The following DLC1 variants were observed in gnomAD, a reference collection of about 807,000 sequenced individuals.
DLC1 encodes rho GTPase-activating protein 7.
In DLC1, 54 loss-of-function variants were observed where a neutral mutation model predicts 140.3. The ratio of observed to expected loss-of-function variants is 0.38; its 90% CI spans 0.31 to 0.48. The LOEUF (loss-of-function observed/expected upper bound fraction) is 0.48. Ranked by LOEUF, DLC1 falls within the 20% of genes least tolerant of loss-of-function variation. DLC1 has a pLI of 0.96. For synonymous variants in DLC1, 986 were observed against 728.1 expected (o/e 1.35, Z -5.70); for missense variants, 2,536 against 1,907.0 (o/e 1.33, Z -6.14).
intron 1 of DLC1, among the ~76,000 whole-genome samples, chr8:13,550,866 G>C (rs1022492631): frequency 1.3e-5 from 2 of 151,948 alleles, no homozygotes; most frequent in African/African-American, 4.8e-5. Context: ...AGCCCTTAAT[G>C]GTGCTATTAG....
chr8:13,231,880 A>G (rs555909591), intron 5 of DLC1, among the ~76,000 whole-genome samples: 2 of 152,200 alleles, frequency 1.3e-5, no homozygotes, highest in Non-Finnish European at 2.9e-5. Context: ...ATTATTTTTG[A>G]ATCTCAGTGA....
At chr8:13,264,762 T>C (rs1012953416) in intron 5 of DLC1, among the ~76,000 whole-genome samples, 2 of 152,208 alleles carry the variant, frequency 1.3e-5, no homozygotes, top group African/African-American at 4.8e-5. Context: ...CTAAAGATAT[T>C]TTTTGAGAAA....
rs182908775 is a variant in DLC1 at position 13,168,497 on chromosome 8, C to G, written c.1349-52840G>C. 4.6e-5 allele frequency among the ~76,000 whole-genome samples: 7 copies of G among 152,116 alleles called. No homozygotes were observed. The East Asian group carries it at 1.4e-3, about 29-fold the overall frequency. On this transcript the variant is annotated intron_variant, in intron 5 of 17. Coordinates refer to ENST00000276297, the MANE Select transcript of DLC1 (RefSeq NM_182643.3). The stretch of plus-strand genomic sequence containing the variant: ...ATTCCTGTTATGGAAATAAATGAGA[C>G]AAGTCCCAGAAATTGATTTTATGCT...
chr8:13,135,496 T>A (rs534000756), intron 5 of DLC1, among the ~76,000 whole-genome samples: 1 of 152,306 alleles, frequency 6.6e-6, no homozygotes, highest in South Asian at 2.1e-4. Context: ...GCCATTTTAA[T>A]GGAAGAACGC....
At chr8:13,548,025 T>C (rs1803710777) in intron 1 of DLC1, among the ~76,000 whole-genome samples, 1 of 152,072 alleles carries the variant, frequency 6.6e-6, no homozygotes, top group Admixed American at 6.6e-5. Context: ...CTTAAAATAT[T>C]GTAATTATCT....
intron 4 of DLC1, among the ~76,000 whole-genome samples, chr8:13,368,963 A>G (rs1401763081): frequency 2.0e-5 from 3 of 152,100 alleles, no homozygotes; most frequent in Non-Finnish European, 4.4e-5. Context: ...AGCTGAGATT[A>G]CAGGTGCTCA....
chr8:13,227,833 T>A (rs1233735913), intron 5 of DLC1, among the ~76,000 whole-genome samples: 2 of 152,198 alleles, frequency 1.3e-5, no homozygotes, highest in African/African-American at 4.8e-5. Flanking sequence ...ATGAATAAAG[T>A]GTTAAAAAAT....
chr8:13,242,906 A>G lies in DLC1; in HGVS notation c.1348+62363T>C, dbSNP rs555659967. Among the ~76,000 whole-genome samples the G allele has an allele frequency of 3.3e-5, 5 of 152,074 alleles. No homozygotes were observed. In the South Asian group the frequency reaches 1.0e-3, roughly 32 times the overall value. Reference sequence around the variant, plus strand: ...GGTTTGATGCTGTGTCCCAAATCTCATGTCGAATTGTAATCCCCACATGTT... The same window carrying G: ...GGTTTGATGCTGTGTCCCAAATCTCGTGTCGAATTGTAATCCCCACATGTT... On this transcript the variant is annotated intron_variant, in intron 5 of 17. Transcript: ENST00000276297.
intron 5 of DLC1, among the ~76,000 whole-genome samples, chr8:13,204,474 T>G (rs953606057): frequency 6.6e-6 from 1 of 152,226 alleles, no homozygotes; most frequent in Non-Finnish European, 1.5e-5. Flanking sequence ...GGATTAAATT[T>G]CAGATTTTAA....
chr8:13,139,152 G>C (rs1158403973), intron 5 of DLC1, among the ~76,000 whole-genome samples: 1 of 151,484 alleles, frequency 6.6e-6, no homozygotes, highest in African/African-American at 2.4e-5. Context: ...AATTAGCTGG[G>C]CATGCTGCTC....
chr8:13,140,291 G>C (rs1383168658), intron 5 of DLC1, among the ~76,000 whole-genome samples: 1 of 152,042 alleles, frequency 6.6e-6, no homozygotes, highest in Non-Finnish European at 1.5e-5. Context: ...AGAGTGCAGT[G>C]GTGTGACCAT....
chr8:13,315,119 A>T (rs1186364823), intron 4 of DLC1, among the ~76,000 whole-genome samples: 1 of 152,238 alleles, frequency 6.6e-6, no homozygotes, highest in Non-Finnish European at 1.5e-5. Flanking sequence ...GAAGACTAAC[A>T]GAACCTGATG....
intron 2 of DLC1, among the ~76,000 whole-genome samples, chr8:13,491,099 AT>A (rs1455238346): frequency 1.4e-5 from 2 of 147,486 alleles, no homozygotes; most frequent in South Asian, 2.1e-4. Context: ...CAAATTTAAT[AT>A]TTTTTATATA....
intron 4 of DLC1, among the ~76,000 whole-genome samples, chr8:13,393,150 A>G (rs1473738701): frequency 1.3e-5 from 2 of 151,528 alleles, no homozygotes; most frequent in Non-Finnish European, 1.5e-5. Context: ...CCATCCATCC[A>G]TCCATCCATC....
intron 4 of DLC1, among the ~76,000 whole-genome samples, chr8:13,332,123 A>T (rs925508784): frequency 6.6e-6 from 1 of 152,182 alleles, no homozygotes; most frequent in Non-Finnish European, 1.5e-5. Flanking sequence ...GTAATTGCTT[A>T]TTTTTCTTAA....
chr8:13,507,899 A>C (rs1467359204), intron 1 of DLC1, among the ~76,000 whole-genome samples: 1 of 152,210 alleles, frequency 6.6e-6, no homozygotes, highest in Non-Finnish European at 1.5e-5. Flanking sequence ...TAGAAGAAAA[A>C]TGAAGAAATA....
chr8:13,591,392 C>G (rs867818405), intron 1 of DLC1, among the ~76,000 whole-genome samples: 3 of 152,196 alleles, frequency 2.0e-5, no homozygotes, highest in Non-Finnish European at 2.9e-5. Context: ...ATCACGAGAT[C>G]TGATGGTTTT....
At chr8:13,264,487 A>C (rs548156121) in intron 5 of DLC1, among the ~76,000 whole-genome samples, 1 of 152,322 alleles carries the variant, frequency 6.6e-6, no homozygotes, top group Admixed American at 6.5e-5. Flanking sequence ...TTAAATGTGC[A>C]AAATAATATT....
chr8:13,271,802 A>C (rs556021696), intron 5 of DLC1, among the ~76,000 whole-genome samples: 59 of 152,314 alleles, frequency 3.9e-4, no homozygotes, highest in African/African-American at 1.3e-3. Flanking sequence ...CTCCTGACTC[A>C]GCTCCTGGGA....
Sources: allele counts gnomAD v4.1 joint callset (sites outside exome capture counted in the v4.1 genomes callset), GRCh38; gene constraint gnomAD v4.1.1; transcripts MANE v1.5; gene names NCBI Gene and HGNC (gene_info 2026-07-23, HGNC 2026-07-21).